GINS4: variants seen among roughly 807,000 people sequenced by gnomAD.
GINS4 encodes the protein DNA replication complex GINS protein SLD5.
GINS4 carries 20 observed loss-of-function variants against 31.1 expected under a neutral mutation model. The ratio of observed to expected loss-of-function variants is 0.64; its 90% CI spans 0.45 to 0.93. The LOEUF is 0.93. GINS4 is among the 40% of genes least tolerant of loss of function. The pLI, the probability that GINS4 is intolerant of heterozygous loss-of-function variation, is 0.00. For synonymous variants in GINS4, 85 were observed against 97.9 expected (o/e 0.87, Z 0.78); for missense variants, 245 against 273.9 (o/e 0.89, Z 0.75).
At chr8:41,541,635 A>G (rs868641615) in intron 6 of GINS4, among the ~76,000 whole-genome samples, 174 bp from the exon 7 acceptor site, 47 of 152,160 alleles carry the variant, frequency 3.1e-4, no homozygotes, top group South Asian at 1.0e-3. Context: ...AAAAGGCCCA[A>G]TGCGTGTCCG....
chr8:41,543,583 G>A lies in GINS4; in HGVS notation c.*1496G>A, dbSNP rs1340821355. 1 of 152,250 alleles carries A rather than the reference G, an allele frequency of 6.6e-6. No homozygotes were observed. The highest frequency in any genetic ancestry group is 1.9e-4 in the East Asian group (1 of 5,202). The allele number at this position is 152,250 out of a possible 1,614,324, so 9.4% of individuals were successfully genotyped here. On this transcript the variant is annotated 3_prime_UTR_variant, in exon 8 of 8. Coordinates refer to ENST00000276533, the MANE Select transcript of GINS4 (RefSeq NM_032336.3). ...GCTATAAAAAGCAACCTGCATTCCA[G>A]TCTTTTCTTCCTGGTTGAAGTTGGC...
intron 7 of GINS4, 44 bp downstream of exon 7, chr8:41,541,943 G>A: frequency 6.2e-7 from 1 of 1,610,522 alleles, no homozygotes; most frequent in South Asian, 1.1e-5. Context: ...TCCTCCCGAT[G>A]GAGGGCCAGC....
rs1321300002 is a variant in GINS4, at chr8:41,542,466, CCCCATCTCTACTAAA to C, written c.*395_*409del. 7 of 246,740 alleles carry C rather than the reference CCCCATCTCTACTAAA, an allele frequency of 2.8e-5. No homozygotes were observed. The highest frequency in any genetic ancestry group is 5.1e-5 in the South Asian group (1 of 19,438). The allele number at this position is 246,740 out of a possible 1,614,324, so 15.3% of individuals were successfully genotyped here. ...GATCAAGACCATCCTGGCTACTAAA[CCCCATCTCTACTAAA>C]CCCATCTCTACTAAAAATACAAAAA... On this transcript the variant is annotated 3_prime_UTR_variant, in exon 8 of 8. Transcript: ENST00000276533.
chr8:41,536,876 A>G (rs1406943045), intron 3 of GINS4, among the ~76,000 whole-genome samples: 3 of 152,218 alleles, frequency 2.0e-5, no homozygotes, highest in Non-Finnish European at 2.9e-5. Flanking sequence ...TGGATATTTC[A>G]GTTTCTCAGC....
Position 41,537,313 on chromosome 8 carries a change from G to A in GINS4, c.297+20G>A, listed in dbSNP as rs776344306. On this transcript the variant is annotated intron_variant, in intron 4 of 7. Coordinates refer to ENST00000276533, the MANE Select transcript of GINS4 (RefSeq NM_032336.3). ...ATGAAGGTTTGACGTGGAGATACCT[G>A]GAGGGATTGAGACAGCACAGTCTGT... 3.3e-6 allele frequency: 5 copies of A among 1,530,272 alleles called. No homozygotes were observed. In the South Asian group the frequency reaches 5.7e-5, roughly 17 times the overall value. 94.8% of individuals were successfully genotyped at this position (1,530,272 alleles called of 1,614,324 possible).
At chr8:41,534,478 T>C (rs1806707249) in intron 2 of GINS4, 1 of 179,576 alleles carries the variant, frequency 5.6e-6, no homozygotes. Context: ...TGGAAAGATT[T>C]ATATGAAAGT....
rs573755994 is a variant in GINS4 at position 41,539,426 on chromosome 8, G to A, written c.298-252G>A. Among the ~76,000 whole-genome samples, 3 of 151,450 alleles carry A rather than the reference G, an allele frequency of 2.0e-5. No individual in the cohort carries two copies. The East Asian group carries it at 5.8e-4, about 30-fold the overall frequency. Reference sequence around the variant, plus strand: ...AGTTTGACATCTACCCATTGAGTCAGCATTCTTTTTTCAGCCACTTAGGAG... The same window carrying A: ...AGTTTGACATCTACCCATTGAGTCAACATTCTTTTTTCAGCCACTTAGGAG... On this transcript the variant is annotated intron_variant, in intron 4 of 7. Coordinates refer to ENST00000276533, the MANE Select transcript of GINS4 (RefSeq NM_032336.3).
chr8:41,542,334 A>T lies in GINS4; in HGVS notation c.*247A>T. 4.3e-6 allele frequency: 2 copies of T among 469,538 alleles called. No homozygotes were observed. The highest frequency in any genetic ancestry group is 6.2e-4 in the Middle Eastern group (1 of 1,610). 29.1% of individuals were successfully genotyped at this position (469,538 alleles called of 1,614,324 possible). A position where few individuals can be genotyped will look rare whatever the true frequency, so the allele number is the denominator to read the frequency against. On this transcript the variant is annotated 3_prime_UTR_variant, in exon 8 of 8. Transcript: ENST00000276533. ...GGGAGCAGGAGGTTGCAGTGAGCCG[A>T]GGTCGTGCCATTGCACTCCAGCCTG...
In GINS4 at chr8:41,543,114, C is replaced by T. The variant is rs567014636; in HGVS notation, c.*1027C>T. 2.0e-5 allele frequency: 3 copies of T among 152,316 alleles called. No homozygotes were observed. Among genetic ancestry groups the T allele is most frequent in the African/African-American group, 7.2e-5 (3 of 41,570 alleles). The allele number at this position is 152,316 out of a possible 1,614,324, so 9.4% of individuals were successfully genotyped here. A position where few individuals can be genotyped will look rare whatever the true frequency, so the allele number is the denominator to read the frequency against. On this transcript the variant is annotated 3_prime_UTR_variant, in exon 8 of 8. Coordinates refer to ENST00000276533, the MANE Select transcript of GINS4 (RefSeq NM_032336.3). ...AAAGAAAACAGCTGTGGCCTTCTCC[C>T]GTCATACATCATTAGACTGTGTAAA...
rs546011448 is a variant in GINS4 at position 41,542,035 on chromosome 8, G to C, written c.620G>C (p.Arg207Pro). ...GAGAAGGGCTCACAGCACTTGATCC[G>C]ATACAAAACCATTGCACCTCTGGTT... ...DLEKGSQHLI[R>P]YKTIAPLVAS... is the part of the protein sequence containing the mutation. Residue 207 changes from arginine (R) to proline (P), a missense_variant, in exon 8 of 8, where the codon CGA (arginine) becomes CCA (proline). Physicochemically the swap from Arg to Pro is moderately radical, Grantham distance 103 (BLOSUM62 -2). Coordinates refer to ENST00000276533, the MANE Select transcript of GINS4 (RefSeq NM_032336.3). 5.6e-6 allele frequency: 9 copies of C among 1,614,130 alleles called. No individual in the cohort carries two copies. Among genetic ancestry groups the C allele is most frequent in the South Asian group, 1.1e-5 (1 of 91,086 alleles).
intron 6 of GINS4, 56 bp downstream of exon 6, chr8:41,540,060 A>G: frequency 8.5e-7 from 1 of 1,180,716 alleles, no homozygotes; most frequent in East Asian, 2.3e-5. Flanking sequence ...GTCCCAGGGT[A>G]GGATCCTCTC....
At position 41,541,805 on chromosome 8, in the gene GINS4, G is replaced by GC; in HGVS notation, c.485-3dup. On this transcript the variant is annotated splice_polypyrimidine_tract_variant and splice_region_variant and intron_variant, in intron 6 of 7. Transcript: ENST00000276533. ...TCCTAATCACATTGTTGTTTTCCTG[G>GC]CAGTTCCCAAACCAGATCTAGATTC... 1 of 1,611,906 alleles carries GC rather than the reference G, an allele frequency of 6.2e-7. No homozygotes were observed. The highest frequency in any genetic ancestry group is 8.5e-7 in the Non-Finnish European group (1 of 1,178,330).
At chr8:41,531,007 C>T (rs56997231) in intron 2 of GINS4, among the ~76,000 whole-genome samples, 2 of 152,170 alleles carry the variant, frequency 1.3e-5, no homozygotes, top group South Asian at 2.1e-4. Context: ...CACGGTGGCT[C>T]AAGCCTGTAA....
chr8:41,535,150 G>A (rs562210707), intron 2 of GINS4, among the ~76,000 whole-genome samples: 18 of 152,088 alleles, frequency 1.2e-4, no homozygotes, highest in African/African-American at 3.6e-4. Context: ...CCAGCCTGAC[G>A]AATACGGTGA....
chr8:41,543,650 G>A lies in GINS4; in HGVS notation c.*1563G>A, dbSNP rs1806883067. 6.6e-6 allele frequency: 1 copy of A among 152,100 alleles called. No homozygotes were observed. Among genetic ancestry groups the A allele is most frequent in the Non-Finnish European group, 1.5e-5 (1 of 68,022 alleles). The allele number at this position is 152,100 out of a possible 1,614,324, so 9.4% of individuals were successfully genotyped here. On this transcript the variant is annotated 3_prime_UTR_variant, in exon 8 of 8. Coordinates refer to ENST00000276533, the MANE Select transcript of GINS4 (RefSeq NM_032336.3). ...GGTATGGGCTGCGAGAGTAATCAGG[G>A]TAACATTGCTGTCATTTCCAAGAGA... is the stretch of plus-strand genomic sequence containing the variant.
intron 2 of GINS4, among the ~76,000 whole-genome samples, chr8:41,532,979 C>A (rs967666953): frequency 3.3e-5 from 5 of 152,162 alleles, no homozygotes; most frequent in Admixed American, 2.0e-4. Flanking sequence ...GTTCCACCCC[C>A]AGGTACATAC....
At chr8:41,532,760 G>C (rs1336846937) in intron 2 of GINS4, among the ~76,000 whole-genome samples, 2 of 150,574 alleles carry the variant, frequency 1.3e-5, no homozygotes, top group African/African-American at 2.4e-5. Context: ...TTGAACCCAG[G>C]AGGTGGAGAT....
At chr8:41,530,675 G>A (rs1469700947) in intron 2 of GINS4, among the ~76,000 whole-genome samples, 3 of 152,192 alleles carry the variant, frequency 2.0e-5, no homozygotes, top group Non-Finnish European at 2.9e-5. Context: ...TGAAATGCCT[G>A]TAAGGGAAAA....
At chr8:41,532,216 GCT>G (rs1806657896) in intron 2 of GINS4, among the ~76,000 whole-genome samples, 1 of 152,204 alleles carries the variant, frequency 6.6e-6, no homozygotes, top group African/African-American at 2.4e-5. Context: ...TACATAAACA[GCT>G]CTTTCATACT....
Sources: gnomAD v4.1 joint callset for allele counts (sites outside exome capture counted in the v4.1 genomes callset) on GRCh38, gnomAD v4.1.1 for gene constraint, MANE v1.5 for transcripts, NCBI Gene and HGNC (gene_info 2026-07-23, HGNC 2026-07-21) for gene names.